The following MGRN1 variants were observed in gnomAD, a reference collection of about 807,000 sequenced individuals.
MGRN1 encodes the protein mahogunin ring finger 1, also known as E3 ubiquitin-protein ligase MGRN1.
Under a neutral mutation model 69.2 loss-of-function variants are expected in MGRN1, and 29 were observed. That is an observed-to-expected ratio of 0.42 (90% CI 0.31 to 0.57). The LOEUF (loss-of-function observed/expected upper bound fraction) is 0.57. Ranked by LOEUF, MGRN1 falls within the 20% of genes least tolerant of loss-of-function variation. The pLI is 0.15. For missense variants in MGRN1, 998 were observed against 796.2 expected, an observed-to-expected ratio of 1.25 and a Z score of -3.05; for synonymous variants, 470 against 344.2, an observed-to-expected ratio of 1.37 and a Z score of -4.04.
intron 7 of MGRN1, 74 bp downstream of exon 7, chr16:4,665,225 C>A: frequency 3.9e-6 from 6 of 1,536,738 alleles, no homozygotes; most frequent in Non-Finnish European, 5.4e-6. Context: ...AGACGAGAAG[C>A]CTGAGCAGGG....
intron 8 of MGRN1, among the ~76,000 whole-genome samples, chr16:4,668,963 C>A (rs957499340): frequency 6.6e-6 from 1 of 151,980 alleles, no homozygotes; most frequent in Non-Finnish European, 1.5e-5. Context: ...TAGACACACT[C>A]ATACAATCAC....
intron 10 of MGRN1, among the ~76,000 whole-genome samples, chr16:4,676,522 G>C (rs1311742656): frequency 6.6e-6 from 1 of 152,214 alleles, no homozygotes; most frequent in Admixed American, 6.5e-5. Flanking sequence ...TGAGCCTCAA[G>C]GACGTGGCGG....
chr16:4,664,419 A>G, intron 5 of MGRN1: 1 of 453,624 alleles, frequency 2.2e-6, no homozygotes, highest in Non-Finnish European at 4.0e-6. Context: ...GGGGTGATGA[A>G]AAGTTCTGGA....
Position 4,641,116 on chromosome 16 carries a change from G to A in MGRN1, c.89-9249G>A, listed in dbSNP as rs115370570. Among the ~76,000 whole-genome samples, 923 of 152,236 alleles carry A rather than the reference G, an allele frequency of 6.1e-3. 13 individuals carry two copies. Among genetic ancestry groups the A allele is most frequent in the African/African-American group, 0.022 (900 of 41,526 alleles). On this transcript the variant is annotated intron_variant, in intron 1 of 16. Coordinates refer to ENST00000262370, the MANE Select transcript of MGRN1 (RefSeq NM_015246.4). ...CTTTTCTTTTTCCTCCACCCCCTTGGCAGCGCTGCCTGCTCCTCTTGGTCC... is the reference window on the plus strand; with the variant it reads ...CTTTTCTTTTTCCTCCACCCCCTTGACAGCGCTGCCTGCTCCTCTTGGTCC...
chr16:4,675,277 T>C (rs954847743), intron 10 of MGRN1, among the ~76,000 whole-genome samples: 8 of 152,048 alleles, frequency 5.3e-5, no homozygotes, highest in Non-Finnish European at 1.0e-4. Flanking sequence ...CTGCCTTGTT[T>C]TTAAAATTTT....
At chr16:4,660,240 G>A (rs151066790) in intron 5 of MGRN1, among the ~76,000 whole-genome samples, 2,304 of 152,360 alleles carry the variant, frequency 0.015, 31 homozygotes, top group Non-Finnish European at 0.024. Flanking sequence ...CAGTTCTGCA[G>A]CTCTGTGAGC....
intron 5 of MGRN1, among the ~76,000 whole-genome samples, chr16:4,659,993 G>A (rs566457423): frequency 2.6e-5 from 4 of 152,288 alleles, no homozygotes; most frequent in South Asian, 2.1e-4. Flanking sequence ...GGGGCCTCCC[G>A]TCCTGCAGCC....
chr16:4,667,812 A>AC (rs2078839212), intron 7 of MGRN1, among the ~76,000 whole-genome samples: 1 of 151,930 alleles, frequency 6.6e-6, no homozygotes, highest in African/African-American at 2.4e-5. Flanking sequence ...CTGTGTGTGC[A>AC]CCACTGTGCG....
intron 9 of MGRN1, among the ~76,000 whole-genome samples, chr16:4,672,804 A>C (rs559089558): frequency 1.3e-5 from 2 of 152,274 alleles, no homozygotes; most frequent in Non-Finnish European, 2.9e-5. Context: ...CCATTAATGA[A>C]AATACTTCTA....
At chr16:4,685,541 T>A (rs1291762684) in intron 16 of MGRN1, among the ~76,000 whole-genome samples, 3 of 152,250 alleles carry the variant, frequency 2.0e-5, no homozygotes, top group African/African-American at 4.8e-5. Flanking sequence ...GGCCCCGCTC[T>A]TGGAGTTGGC....
chr16:4,652,840 G>A lies in MGRN1; in HGVS notation c.443+16G>A, dbSNP rs1235867760. 18 of 1,581,214 alleles carry A rather than the reference G, an allele frequency of 1.1e-5. No homozygotes were observed. Among genetic ancestry groups the A allele is most frequent in the Admixed American group, 7.0e-5 (4 of 56,974 alleles). The stretch of plus-strand genomic sequence containing the variant: ...GCAGGGCAGTGTGAGTCCCGCGGGC[G>A]GCTGGCACCGGCCTGGCTGGGGGCC... On this transcript the variant is annotated intron_variant, in intron 4 of 16. Transcript: ENST00000262370.
chr16:4,685,761 C>G (rs1392368601), intron 16 of MGRN1, among the ~76,000 whole-genome samples: 1 of 152,230 alleles, frequency 6.6e-6, no homozygotes, highest in African/African-American at 2.4e-5. Context: ...CGTGTCTGTG[C>G]GTAAGGCATG....
At chr16:4,667,090 G>C (rs1242317749) in intron 7 of MGRN1, among the ~76,000 whole-genome samples, 1 of 152,236 alleles carries the variant, frequency 6.6e-6, no homozygotes, top group Admixed American at 6.5e-5. Flanking sequence ...GGAGTCGGAG[G>C]GGGAAAGGAT....
intron 10 of MGRN1, among the ~76,000 whole-genome samples, chr16:4,676,334 T>TG (rs2079052593): frequency 6.6e-6 from 1 of 152,220 alleles, no homozygotes; most frequent in Non-Finnish European, 1.5e-5. Context: ...TCTCTGTGCC[T>TG]GCCCAGGAGG....
intron 11 of MGRN1, among the ~76,000 whole-genome samples, chr16:4,679,686 A>G (rs1220468449): frequency 6.8e-6 from 1 of 147,364 alleles, no homozygotes; most frequent in Non-Finnish European, 1.5e-5. Flanking sequence ...TCCACCCTGC[A>G]CCCAGCCTGC....
intron 12 of MGRN1, among the ~76,000 whole-genome samples, chr16:4,681,137 T>A (rs571735194): frequency 1.3e-5 from 2 of 152,106 alleles, no homozygotes; most frequent in Non-Finnish European, 2.9e-5. Context: ...ACAGCTCAGC[T>A]CTCCCTGGTC....
At chr16:4,687,411 A>G (rs1033374662) in intron 16 of MGRN1, 40 of 902,430 alleles carry the variant, frequency 4.4e-5, no homozygotes, top group Non-Finnish European at 5.2e-5. Context: ...TGGGCGTGGT[A>G]GCTTGTGCCT....
At chr16:4,668,199 G>A (rs2078848484) in intron 7 of MGRN1, 66 bp from the exon 8 acceptor site, 2 of 1,461,376 alleles carry the variant, frequency 1.4e-6, no homozygotes, top group East Asian at 2.4e-5. Context: ...AACCCAGGCG[G>A]CCACGCAGGG....
intron 1 of MGRN1, chr16:4,640,480 C>T (rs1443999817): frequency 6.6e-6 from 1 of 152,286 alleles, no homozygotes; most frequent in African/African-American, 2.4e-5. Flanking sequence ...CACCCAGAGT[C>T]CGAATCCCTC....
Sources: allele counts gnomAD v4.1 joint callset (sites outside exome capture counted in the v4.1 genomes callset), GRCh38; gene constraint gnomAD v4.1.1; transcripts MANE v1.5; gene names NCBI Gene and HGNC (gene_info 2026-07-23, HGNC 2026-07-21).